RABGEF1: variants seen among roughly 807,000 people sequenced by gnomAD.
The protein encoded by RABGEF1 is RAB guanine nucleotide exchange factor 1.
A neutral mutation model predicts 57.3 loss-of-function variants in RABGEF1; 26 were observed. The observed-to-expected ratio is 0.45, with a 90% confidence interval of 0.33 to 0.63. The LOEUF (loss-of-function observed/expected upper bound fraction) is 0.63, where lower values mean the gene tolerates loss of function less well. Ranked by LOEUF, RABGEF1 falls within the 20% of genes least tolerant of loss-of-function variation. The pLI is 0.02. For synonymous variants in RABGEF1, 185 were observed against 210.7 expected, an observed-to-expected ratio of 0.88 and a Z score of 1.06; for missense variants, 464 against 607.6, an observed-to-expected ratio of 0.76 and a Z score of 2.48.
At chr7:66,714,452 CT>C (rs1181057409) in intron 2 of RABGEF1, among the ~76,000 whole-genome samples, 2 of 151,966 alleles carry the variant, frequency 1.3e-5, no homozygotes, top group Non-Finnish European at 2.9e-5. Context: ...GTCTCGTTTC[CT>C]TTCTTTTCTC....
intron 8 of RABGEF1, chr7:66,808,103 A>G (rs548266100): frequency 9.2e-5 from 14 of 152,140 alleles, no homozygotes; most frequent in African/African-American, 3.4e-4. Context: ...ATTTCCCCCC[A>G]TTTACAGGTA....
At chr7:66,789,527 C>G (rs1379985522) in intron 4 of RABGEF1, among the ~76,000 whole-genome samples, 6 of 151,498 alleles carry the variant, frequency 4.0e-5, no homozygotes, top group Admixed American at 2.6e-4. Flanking sequence ...CTAAAAAATA[C>G]AAAAAATTAG....
At chr7:66,661,127 C>T in the RABGEF1 span, among the ~76,000 whole-genome samples, 4 of 151,864 alleles carry the variant, frequency 2.6e-5, no homozygotes, top group African/African-American at 4.8e-5. Context: ...GAAACCCCGT[C>T]TCTACTAAAA....
At chr7:66,680,228 A>C (rs1368838995), upstream of RABGEF1, among the ~76,000 whole-genome samples, 1 of 151,818 alleles carries the variant, frequency 6.6e-6, no homozygotes, top group Non-Finnish European at 1.5e-5. Context: ...TCCTCAGCAC[A>C]GGTACTTTGT....
chr7:66,667,154 A>G, the RABGEF1 span, among the ~76,000 whole-genome samples: 12 of 152,192 alleles, frequency 7.9e-5, no homozygotes, highest in Non-Finnish European at 1.6e-4. Flanking sequence ...AGAGGGTCCA[A>G]GGGCACCACA....
intron 1 of RABGEF1, among the ~76,000 whole-genome samples, chr7:66,708,316 C>T (rs1254917437): frequency 1.3e-5 from 2 of 151,250 alleles, no homozygotes; most frequent in East Asian, 1.9e-4. Flanking sequence ...GACAGGGTCT[C>T]ACTCCAATTT....
At position 66,806,616 on chromosome 7, in the gene RABGEF1, T is replaced by G. The variant is rs1308487992; in HGVS notation, c.1077+1220T>G. Among the ~76,000 whole-genome samples, 5 of 149,964 alleles carry G rather than the reference T, an allele frequency of 3.3e-5. No homozygotes were observed. The Admixed American group carries it at 3.3e-4, about 10-fold the overall frequency. On this transcript the variant is annotated intron_variant, in intron 8 of 8. Transcript: ENST00000284957. Reference sequence around the variant, plus strand: ...AAAAGTTTAAGTGGCCCATATAGAATGAGATTAGAAGTACTCATATATCCT... The same window carrying G: ...AAAAGTTTAAGTGGCCCATATAGAAGGAGATTAGAAGTACTCATATATCCT...
In RABGEF1 at chr7:66,775,296, C is replaced by G; in HGVS notation, c.249C>G (p.Phe83Leu). 1 of 1,613,974 alleles carries G rather than the reference C, an allele frequency of 6.2e-7. No homozygotes were observed. The highest frequency in any genetic ancestry group is 8.5e-7 in the Non-Finnish European group (1 of 1,179,852). ...QSSQGAQSLT[F>L]SKFEEKKTNE... ...GCCAAGGGGCCCAATCCCTCACATT[C>G]TCCAAGTTTGAAGAAAAGAAAACCA... Residue 83 changes from phenylalanine (F) to leucine (L), a missense_variant, in exon 3 of 9, where the codon TTC becomes TTG. Physicochemically the swap from Phe to Leu is conservative, Grantham distance 22 (BLOSUM62 0). Coordinates refer to ENST00000284957, the MANE Select transcript of RABGEF1 (RefSeq NM_014504.3).
chr7:66,736,094 G>A (rs756904313), upstream of RABGEF1, among the ~76,000 whole-genome samples: 7 of 152,134 alleles, frequency 4.6e-5, no homozygotes, highest in Non-Finnish European at 7.4e-5. Context: ...AAGGGATGAT[G>A]ATGGAAAAAA....
intron 2 of RABGEF1, among the ~76,000 whole-genome samples, chr7:66,729,174 T>C (rs1797005760): frequency 6.6e-6 from 1 of 151,638 alleles, no homozygotes; most frequent in African/African-American, 2.4e-5. Flanking sequence ...ATTGTCTCGA[T>C]CTCCTGACCT....
rs1399130342 is a variant in RABGEF1 at position 66,744,542 on chromosome 7, C to G, written c.-18+3750C>G. 9.9e-5 allele frequency among the ~76,000 whole-genome samples: 15 copies of G among 151,722 alleles called. No homozygotes were observed. In the East Asian group the frequency reaches 2.9e-3, roughly 30 times the overall value. ...AATTAGCTGGGCATGGTGGCAGGCG[C>G]CTGTAGTCCCAGCTACTCGGGAGGC... On this transcript the variant is annotated intron_variant, in intron 1 of 8. Coordinates refer to ENST00000284957, the MANE Select transcript of RABGEF1 (RefSeq NM_014504.3).
chr7:66,670,751 TAGG>T, the RABGEF1 span, among the ~76,000 whole-genome samples: 1 of 151,962 alleles, frequency 6.6e-6, no homozygotes, highest in African/African-American at 2.4e-5. Context: ...GAAGCTGAGA[TAGG>T]AGAATCGCTT....
rs568123493 is a variant in RABGEF1, at chr7:66,712,529, G to A, written c.-815+305G>A. On this transcript the variant is annotated intron_variant and NMD_transcript_variant, in intron 2 of 9. Transcript: ENST00000607882. ...TTTGTTCCCCAGGCTGGAGTGCAGT[G>A]TCGTGATCACAGCCCACTGCAGCCT... Among the ~76,000 whole-genome samples the A allele has an allele frequency of 2.7e-5, 4 of 150,336 alleles. No homozygotes were observed. The South Asian group carries it at 8.5e-4, about 32-fold the overall frequency.
chr7:66,733,662 C>A (rs1797599636), intron 2 of RABGEF1, among the ~76,000 whole-genome samples: 1 of 151,510 alleles, frequency 6.6e-6, no homozygotes, highest in African/African-American at 2.4e-5. Context: ...CGTGCCACTG[C>A]ACTCCAGACT....
In RABGEF1 at chr7:66,775,288, C is replaced by G. The variant is rs376684519; in HGVS notation, c.241C>G (p.Leu81Val). ...TCAGAGCAGCCAAGGGGCCCAATCC[C>G]TCACATTCTCCAAGTTTGAAGAAAA... is the stretch of plus-strand genomic sequence containing the variant. ...SSQSSQGAQS[L>V]TFSKFEEKKT... The change falls in exon 3 of 9, where the codon CTC becomes GTC. Residue 81 changes from leucine (L) to valine (V), a missense_variant. By Grantham distance (32) the Leu-to-Val change is conservative. This residue lies in a region of RABGEF1 where 284 missense variants were observed against 389.9 expected (regional missense o/e 0.73). Transcript: ENST00000284957. The G allele has an allele frequency of 4.3e-6, 7 of 1,613,846 alleles. No homozygotes were observed. The Admixed American group carries it at 8.3e-5, about 19-fold the overall frequency.
At chr7:66,681,132 A>G (rs1452017545), upstream of RABGEF1, among the ~76,000 whole-genome samples, 1 of 152,184 alleles carries the variant, frequency 6.6e-6, no homozygotes, top group Non-Finnish European at 1.5e-5. Flanking sequence ...CAAGAACACC[A>G]CAGCGACAAT....
At chr7:66,722,831 G>C (rs764734586) in intron 2 of RABGEF1, among the ~76,000 whole-genome samples, 11 of 152,142 alleles carry the variant, frequency 7.2e-5, no homozygotes, top group Non-Finnish European at 1.6e-4. Context: ...ACAGGCAGCT[G>C]AGATTTTGAT....
intron 1 of RABGEF1, among the ~76,000 whole-genome samples, chr7:66,760,475 G>A (rs1166327766): frequency 1.4e-5 from 2 of 140,584 alleles, no homozygotes; most frequent in Non-Finnish European, 3.0e-5. Context: ...ACAGAGTCTC[G>A]CTCTATTGCC....
At chr7:66,797,546 C>T in intron 6 of RABGEF1, 40 bp downstream of exon 6, 1 of 1,588,740 alleles carries the variant, frequency 6.3e-7, no homozygotes, top group Non-Finnish European at 8.6e-7. Flanking sequence ...TTACTACCTT[C>T]TAATGGAAGA....
Sources: allele counts gnomAD v4.1 joint callset (sites outside exome capture counted in the v4.1 genomes callset), GRCh38; gene constraint gnomAD v4.1.1; regional missense constraint gnomAD v4.1.1; transcripts MANE v1.5; gene names NCBI Gene and HGNC (gene_info 2026-07-23, HGNC 2026-07-21).